TBC1D14: variants seen among roughly 807,000 people sequenced by gnomAD.
TBC1D14 encodes TBC1 domain family member 14.
A neutral mutation model predicts 79.0 loss-of-function variants in TBC1D14; 26 were observed. The observed-to-expected ratio is 0.33, with a 90% confidence interval of 0.24 to 0.46. The LOEUF (loss-of-function observed/expected upper bound fraction) is 0.46, where lower values mean the gene tolerates loss of function less well. Among genes scored for constraint, TBC1D14 ranks in the 20% least tolerant of loss-of-function variants. The pLI, the probability that TBC1D14 is intolerant of heterozygous loss-of-function variation, is 1.00. For synonymous variants in TBC1D14, 394 were observed against 349.9 expected (o/e 1.13, Z -1.40); for missense variants, 769 against 887.6 (o/e 0.87, Z 1.70).
intron 2 of TBC1D14, among the ~76,000 whole-genome samples, chr4:6,930,247 G>C (rs961634650): frequency 6.6e-6 from 1 of 152,202 alleles, no homozygotes; most frequent in Non-Finnish European, 1.5e-5. Flanking sequence ...GAGCCATCGC[G>C]GGCCAGCAGG....
At chr4:6,955,177 C>T (rs1348238496) in intron 2 of TBC1D14, among the ~76,000 whole-genome samples, 1 of 152,224 alleles carries the variant, frequency 6.6e-6, no homozygotes, top group Non-Finnish European at 1.5e-5. Context: ...TTTTCCCTTG[C>T]ATTTTCAAAG....
At chr4:7,027,639 A>T (rs1239932531) in intron 13 of TBC1D14, among the ~76,000 whole-genome samples, 1 of 132,420 alleles carries the variant, frequency 7.6e-6, no homozygotes, top group Non-Finnish European at 1.6e-5. Context: ...ATCACCCCAC[A>T]CACATCACAC....
At chr4:6,961,612 G>A (rs1027092867) in intron 2 of TBC1D14, among the ~76,000 whole-genome samples, 1 of 152,182 alleles carries the variant, frequency 6.6e-6, no homozygotes, top group African/African-American at 2.4e-5. Flanking sequence ...GTAGGTGATT[G>A]GAGCCACGAC....
At chr4:7,027,901 A>G (rs1438123920) in intron 13 of TBC1D14, among the ~76,000 whole-genome samples, 1 of 136,048 alleles carries the variant, frequency 7.4e-6, no homozygotes, top group East Asian at 2.4e-4. Context: ...GTCACCCACA[A>G]TCACACACAT....
chr4:6,949,845 A>G (rs1176221218), intron 2 of TBC1D14, among the ~76,000 whole-genome samples: 1 of 152,046 alleles, frequency 6.6e-6, no homozygotes, highest in Non-Finnish European at 1.5e-5. Context: ...ACAAATGTCA[A>G]GAAATGTAGA....
At chr4:6,926,774 A>C (rs1037908276) in intron 2 of TBC1D14, among the ~76,000 whole-genome samples, 1 of 152,196 alleles carries the variant, frequency 6.6e-6, no homozygotes, top group Non-Finnish European at 1.5e-5. Flanking sequence ...ATGTTCATCA[A>C]TTCAGCCCAG....
At position 7,007,649 on chromosome 4, in the gene TBC1D14, C is replaced by A. The variant is rs1040485898; in HGVS notation, c.1446+923C>A. ...TGGTGCGTGAGCCCAGCGAGCACCC[C>A]ACTGGCTTGCAGCAGGCAGTTGACT... is the stretch of plus-strand genomic sequence containing the variant. On this transcript the variant is annotated intron_variant, in intron 9 of 13. Coordinates refer to ENST00000409757, the MANE Select transcript of TBC1D14 (RefSeq NM_020773.3). 39 of 1,262,476 alleles carry A rather than the reference C, an allele frequency of 3.1e-5. No individual in the cohort carries two copies. The African/African-American group carries it at 5.8e-4, about 19-fold the overall frequency. The allele number at this position is 1,262,476 out of a possible 1,614,324, so 78.2% of individuals were successfully genotyped here.
At chr4:6,962,936 C>T (rs1029951231) in intron 2 of TBC1D14, among the ~76,000 whole-genome samples, 1 of 152,214 alleles carries the variant, frequency 6.6e-6, no homozygotes, top group Non-Finnish European at 1.5e-5. Flanking sequence ...TGCCAGCAGA[C>T]GTGTGTAGAA....
intron 2 of TBC1D14, among the ~76,000 whole-genome samples, chr4:6,930,870 C>T (rs1021049664): frequency 1.3e-5 from 2 of 151,478 alleles, no homozygotes; most frequent in Admixed American, 6.6e-5. Flanking sequence ...TTTGCACAGG[C>T]ACACACTTAC....
chr4:6,947,661 CAA>C (rs60601291), intron 2 of TBC1D14, among the ~76,000 whole-genome samples: 19 of 117,248 alleles, frequency 1.6e-4, no homozygotes, highest in South Asian at 2.7e-4. Context: ...GATTCCGTCT[CAA>C]AAAAAAAAAA....
chr4:6,940,344 T>C (rs1020195300), intron 2 of TBC1D14, among the ~76,000 whole-genome samples: 2 of 152,184 alleles, frequency 1.3e-5, no homozygotes, highest in African/African-American at 4.8e-5. Flanking sequence ...GTTCTTGATG[T>C]GTAACAGCAG....
intron 11 of TBC1D14, 135 bp downstream of exon 11, chr4:7,010,916 T>C: frequency 9.3e-7 from 1 of 1,074,624 alleles, no homozygotes; most frequent in South Asian, 1.8e-5. Context: ...AGCAGCACTG[T>C]AAGGTGGAGG....
At chr4:6,980,238 G>T (rs889124766) in intron 3 of TBC1D14, among the ~76,000 whole-genome samples, 3 of 152,142 alleles carry the variant, frequency 2.0e-5, no homozygotes, top group Admixed American at 2.0e-4. Context: ...AGAAAACAGT[G>T]ACAGAAAAAT....
intron 1 of TBC1D14, among the ~76,000 whole-genome samples, chr4:6,917,117 C>T (rs1013266234): frequency 2.6e-5 from 4 of 152,184 alleles, no homozygotes; most frequent in African/African-American, 9.7e-5. Context: ...ATTTCTTCCT[C>T]GTAGTCTCAC....
chr4:7,028,403 C>T (rs1223569680), intron 13 of TBC1D14, among the ~76,000 whole-genome samples: 1 of 151,284 alleles, frequency 6.6e-6, no homozygotes, highest in African/African-American at 2.4e-5. Context: ...GGGGCTTGGG[C>T]ATCAGTGACG....
At chr4:7,012,274 C>G (rs2109258628) in intron 11 of TBC1D14, among the ~76,000 whole-genome samples, 1 of 148,716 alleles carries the variant, frequency 6.7e-6, no homozygotes, top group East Asian at 2.0e-4. Flanking sequence ...TGCACTCCAG[C>G]CTGGGCGACA....
chr4:7,011,165 G>T (rs189382086), intron 11 of TBC1D14, among the ~76,000 whole-genome samples: 1 of 152,178 alleles, frequency 6.6e-6, no homozygotes, highest in African/African-American at 2.4e-5. Context: ...GTAATCGAGC[G>T]GTGTTGCTGC....
At chr4:7,015,741 T>C (rs115688622) in intron 12 of TBC1D14, among the ~76,000 whole-genome samples, 1,799 of 152,172 alleles carry the variant, frequency 0.012, 16 homozygotes, top group Middle Eastern at 0.037. Flanking sequence ...ACCCAGCTTC[T>C]CCCATTATTG....
intron 12 of TBC1D14, among the ~76,000 whole-genome samples, chr4:7,024,445 T>G (rs963287120): frequency 6.6e-6 from 1 of 152,182 alleles, no homozygotes; most frequent in Non-Finnish European, 1.5e-5. Context: ...TGGGAAGTCC[T>G]GCCGCAGACA....
Sources: gnomAD v4.1 joint callset for allele counts (sites outside exome capture counted in the v4.1 genomes callset) on GRCh38, gnomAD v4.1.1 for gene constraint, MANE v1.5 for transcripts, NCBI Gene and HGNC (gene_info 2026-07-23, HGNC 2026-07-21) for gene names.